The following ELP4 variants were observed in gnomAD, a reference collection of about 807,000 sequenced individuals.
ELP4 encodes the protein elongator complex protein 4.
A neutral mutation model predicts 48.9 loss-of-function variants in ELP4; 51 were observed. The observed-to-expected ratio is 1.04, with a 90% CI of 0.83 to 1.32. The LOEUF (loss-of-function observed/expected upper bound fraction) is 1.32, where lower values mean the gene tolerates loss of function less well. Ranked by LOEUF, ELP4 falls within the 40% of genes most tolerant of loss-of-function variation. The pLI, the probability that ELP4 is intolerant of heterozygous loss-of-function variation, is 0.00. For missense variants in ELP4, 519 were observed against 514.6 expected (o/e 1.01, Z -0.08); for synonymous variants, 210 against 189.2 (o/e 1.11, Z -0.90).
At chr11:31,602,529 C>T (rs2134000978) in intron 4 of ELP4, among the ~76,000 whole-genome samples, 1 of 151,966 alleles carries the variant, frequency 6.6e-6, no homozygotes, top group Admixed American at 6.6e-5. Flanking sequence ...GATGAACGGT[C>T]ATTTCATTTT....
Position 31,561,763 on chromosome 11 carries a change from T to C in ELP4, c.381+21980T>C, listed in dbSNP as rs1957028349. 2.0e-5 allele frequency among the ~76,000 whole-genome samples: 3 copies of C among 152,144 alleles called. No individual in the cohort carries two copies. The South Asian group carries it at 6.2e-4, about 31-fold the overall frequency. On this transcript the variant is annotated intron_variant, in intron 3 of 9. Coordinates refer to ENST00000640961, the MANE Select transcript of ELP4 (RefSeq NM_019040.5). ...CTGGCCTGAAGAGCACATTTTAAAA[T>C]AAGATATAATACAGTCTTTACATTA...
chr11:31,735,002 A>G (rs1947276130), intron 9 of ELP4, among the ~76,000 whole-genome samples: 1 of 152,200 alleles, frequency 6.6e-6, no homozygotes, highest in African/African-American at 2.4e-5. Context: ...TACTGGCATA[A>G]AGACATACAT....
At chr11:31,601,162 T>C (rs1957772926) in intron 4 of ELP4, among the ~76,000 whole-genome samples, 1 of 152,128 alleles carries the variant, frequency 6.6e-6, no homozygotes, top group Admixed American at 6.5e-5. Context: ...ATTATTTTAT[T>C]TACAGCATGT....
At chr11:31,604,170 A>C (rs1957830059) in intron 5 of ELP4, among the ~76,000 whole-genome samples, 1 of 151,778 alleles carries the variant, frequency 6.6e-6, no homozygotes, top group South Asian at 2.1e-4. Flanking sequence ...CCAAATTTAT[A>C]AGTGCTGGTT....
In ELP4 at chr11:31,527,387, C is replaced by A. The variant is rs192287755; in HGVS notation, c.259+7296C>A. Among the ~76,000 whole-genome samples, 199 of 152,080 alleles carry A rather than the reference C, an allele frequency of 1.3e-3. 2 individuals are homozygous for A. In the East Asian group the frequency reaches 0.026, roughly 20 times the overall value. On this transcript the variant is annotated intron_variant, in intron 2 of 9. Coordinates refer to ENST00000640961, the MANE Select transcript of ELP4 (RefSeq NM_019040.5). Reference sequence around the variant, plus strand: ...AGAGAAATGCAGAGAGCATATTTAACCCCCTATTCAACATTTCCTCCTAAA... The same window carrying A: ...AGAGAAATGCAGAGAGCATATTTAAACCCCTATTCAACATTTCCTCCTAAA...
intron 9 of ELP4, chr11:31,652,082 G>T (rs1945332156): frequency 6.6e-6 from 1 of 151,638 alleles, no homozygotes; most frequent in African/African-American, 2.4e-5. Context: ...GGTAAACTAA[G>T]AATCATTATA....
At chr11:31,670,042 C>A (rs1291201983) in intron 9 of ELP4, among the ~76,000 whole-genome samples, 1 of 152,112 alleles carries the variant, frequency 6.6e-6, no homozygotes, top group African/African-American at 2.4e-5. Context: ...AATATACTGA[C>A]TTCCTTCTAA....
intron 5 of ELP4, among the ~76,000 whole-genome samples, chr11:31,615,288 C>G (rs1222579170): frequency 6.6e-6 from 1 of 151,844 alleles, no homozygotes; most frequent in Non-Finnish European, 1.5e-5. Flanking sequence ...ATTGAATACC[C>G]TACTTCAAAA....
At chr11:31,663,701 G>C (rs1459596156) in intron 9 of ELP4, 1 of 151,790 alleles carries the variant, frequency 6.6e-6, no homozygotes, top group African/African-American at 2.4e-5. Flanking sequence ...TTTTAATGTA[G>C]GAATTTCTTA....
At chr11:31,551,334 T>C (rs2133928329) in intron 3 of ELP4, among the ~76,000 whole-genome samples, 1 of 152,286 alleles carries the variant, frequency 6.6e-6, no homozygotes, top group South Asian at 2.1e-4. Context: ...AAATTAGTTA[T>C]CCATTTGTAA....
chr11:31,695,348 C>A (rs1946376643), intron 9 of ELP4, among the ~76,000 whole-genome samples: 1 of 151,926 alleles, frequency 6.6e-6, no homozygotes, highest in Admixed American at 6.6e-5. Context: ...CCTAATTTAT[C>A]AAAGAGTTTT....
chr11:31,789,662 A>C lies in ELP4; in HGVS notation c.*6138A>C, dbSNP rs934715799. On this transcript the variant is annotated 3_prime_UTR_variant, in exon 10 of 10. Coordinates refer to ENST00000640961, the MANE Select transcript of ELP4 (RefSeq NM_019040.5). ...GTTCTTTTTTTCATTATAACATACA[A>C]ATGCCCATTTACAAATAATACACCA... 10 of 701,978 alleles carry C rather than the reference A, an allele frequency of 1.4e-5. No homozygotes were observed. The East Asian group carries it at 2.4e-4, about 17-fold the overall frequency. 43.5% of individuals were successfully genotyped at this position (701,978 alleles called of 1,614,324 possible). A position where few individuals can be genotyped will look rare whatever the true frequency, so the allele number is the denominator to read the frequency against.
At chr11:31,575,188 C>T (rs1460091904) in intron 3 of ELP4, among the ~76,000 whole-genome samples, 5 of 152,086 alleles carry the variant, frequency 3.3e-5, no homozygotes, top group African/African-American at 1.2e-4. Context: ...GAAAGGGTAT[C>T]AGTGATTGAA....
intron 7 of ELP4, among the ~76,000 whole-genome samples, chr11:31,635,483 G>T (rs537354421): frequency 6.6e-6 from 1 of 152,048 alleles, no homozygotes; most frequent in Admixed American, 6.6e-5. Flanking sequence ...CCACTGTGCT[G>T]TGCTACTTGT....
chr11:31,582,065 C>T (rs1957401390), intron 3 of ELP4, among the ~76,000 whole-genome samples: 1 of 152,088 alleles, frequency 6.6e-6, no homozygotes, highest in African/African-American at 2.4e-5. Flanking sequence ...TTTTCTATGT[C>T]TTTAGAAAGC....
chr11:31,617,368 G>C (rs1944513099), intron 5 of ELP4, among the ~76,000 whole-genome samples: 1 of 152,020 alleles, frequency 6.6e-6, no homozygotes, highest in Non-Finnish European at 1.5e-5. Flanking sequence ...GATATCTAAA[G>C]TAGTCAAATT....
At chr11:31,636,400 C>T (rs750604778) in intron 7 of ELP4, among the ~76,000 whole-genome samples, 1 of 151,794 alleles carries the variant, frequency 6.6e-6, no homozygotes, top group Non-Finnish European at 1.5e-5. Context: ...ATTAAAGGTA[C>T]TTTGTATAAA....
At chr11:31,595,774 C>G (rs1957659935) in intron 4 of ELP4, among the ~76,000 whole-genome samples, 1 of 152,140 alleles carries the variant, frequency 6.6e-6, no homozygotes, top group Non-Finnish European at 1.5e-5. Flanking sequence ...GCCGCTACCA[C>G]TAATGAAAGT....
At chr11:31,751,615 A>G (rs987179238) in intron 9 of ELP4, among the ~76,000 whole-genome samples, 15 of 152,224 alleles carry the variant, frequency 9.9e-5, no homozygotes, top group African/African-American at 2.9e-4. Flanking sequence ...AAATGAGGTG[A>G]ATCAATGAAC....
Sources: allele counts gnomAD v4.1 joint callset (sites outside exome capture counted in the v4.1 genomes callset), GRCh38; gene constraint gnomAD v4.1.1; transcripts MANE v1.5; gene names NCBI Gene and HGNC (gene_info 2026-07-23, HGNC 2026-07-21).